The following KDM4C variants were observed in gnomAD, a reference collection of about 807,000 sequenced individuals.
The protein encoded by KDM4C is lysine demethylase 4C, also known as lysine-specific demethylase 4C.
In KDM4C, 81 loss-of-function variants were observed where a neutral mutation model predicts 129.3. The ratio of observed to expected loss-of-function variants is 0.63; its 90% CI spans 0.52 to 0.75. KDM4C has a LOEUF of 0.75. Among genes scored for constraint, KDM4C ranks in the 30% least tolerant of loss-of-function variants. The probability of loss-of-function intolerance (pLI) is 0.00; values close to 1 mark genes in which losing one functional copy is unlikely to be tolerated. For synonymous variants in KDM4C, 573 were observed against 456.1 expected, an observed-to-expected ratio of 1.26 and a Z score of -3.26; for missense variants, 1,457 against 1,304.0, an observed-to-expected ratio of 1.12 and a Z score of -1.81.
At chr9:6,979,125 A>G (rs1563923069) in intron 8 of KDM4C, among the ~76,000 whole-genome samples, 1 of 152,196 alleles carries the variant, frequency 6.6e-6, no homozygotes, top group Non-Finnish European at 1.5e-5. Flanking sequence ...ACACTTTAAG[A>G]AAGTTTCTGG....
intron 20 of KDM4C, among the ~76,000 whole-genome samples, chr9:7,168,426 G>T (rs1406906096): frequency 1.3e-5 from 2 of 152,110 alleles, no homozygotes; most frequent in African/African-American, 4.8e-5. Context: ...TTTCCTGCTA[G>T]ATTAGTTCAT....
chr9:6,819,938 T>C (rs1319116848), intron 4 of KDM4C, among the ~76,000 whole-genome samples: 2 of 152,194 alleles, frequency 1.3e-5, no homozygotes, highest in African/African-American at 4.8e-5. Flanking sequence ...GTCATCAAAT[T>C]GCAGTTTCCT....
At chr9:7,096,738 C>A (rs990801930) in intron 17 of KDM4C, among the ~76,000 whole-genome samples, 1 of 150,646 alleles carries the variant, frequency 6.6e-6, no homozygotes, top group East Asian at 1.9e-4. Context: ...ATGTGCCTGA[C>A]CAACAGGCAT....
chr9:6,787,723 C>A (rs1364463887), intron 1 of KDM4C, among the ~76,000 whole-genome samples: 1 of 152,236 alleles, frequency 6.6e-6, no homozygotes, highest in Non-Finnish European at 1.5e-5. Flanking sequence ...CTCCCTGCTT[C>A]CAGCCTTGTC....
chr9:6,807,461 A>C lies in KDM4C; in HGVS notation c.320+1687A>C, dbSNP rs377279735. 2.6e-3 allele frequency among the ~76,000 whole-genome samples: 307 copies of C among 119,690 alleles called. 1 individual carries two copies. The East Asian group carries it at 0.033, about 13-fold the overall frequency. 78.5% of individuals were successfully genotyped at this position (119,690 alleles called of 152,430 possible). ...GGAGCGCCTCTTCCCAGCCGCCATC[A>C]CATCTAGGAAGTGAGGAGCGTCTCT... On this transcript the variant is annotated intron_variant, in intron 3 of 21. Coordinates refer to ENST00000381309, the MANE Select transcript of KDM4C (RefSeq NM_015061.6).
intron 12 of KDM4C, among the ~76,000 whole-genome samples, chr9:6,991,408 A>G (rs1445436551): frequency 2.6e-5 from 4 of 151,978 alleles, no homozygotes; most frequent in African/African-American, 9.7e-5. Flanking sequence ...TTTCTTTTAT[A>G]AAAAAGAAAT....
At chr9:7,152,027 A>G (rs188922822) in intron 19 of KDM4C, among the ~76,000 whole-genome samples, 3 of 152,368 alleles carry the variant, frequency 2.0e-5, no homozygotes, top group African/African-American at 7.2e-5. Context: ...ATTGCCTGGA[A>G]AGGCATTTGG....
chr9:7,098,875 A>G (rs1836757765), intron 17 of KDM4C, among the ~76,000 whole-genome samples: 1 of 151,612 alleles, frequency 6.6e-6, no homozygotes, highest in Non-Finnish European at 1.5e-5. Flanking sequence ...AATAATGAGC[A>G]GAACATAAAT....
At chr9:7,154,717 A>C (rs1842997830) in intron 19 of KDM4C, among the ~76,000 whole-genome samples, 1 of 152,222 alleles carries the variant, frequency 6.6e-6, no homozygotes, top group African/African-American at 2.4e-5. Context: ...GATCACAGCC[A>C]AAAGGCCACT....
intron 2 of KDM4C, among the ~76,000 whole-genome samples, chr9:6,798,721 T>C (rs990585806): frequency 6.6e-6 from 1 of 152,208 alleles, no homozygotes; most frequent in Non-Finnish European, 1.5e-5. Flanking sequence ...AAACCGCCAT[T>C]GTCATCATGG....
intron 8 of KDM4C, among the ~76,000 whole-genome samples, chr9:6,896,833 G>T (rs1304990184): frequency 1.3e-5 from 2 of 152,210 alleles, no homozygotes; most frequent in Non-Finnish European, 2.9e-5. Context: ...ACTGGGAGGG[G>T]TTCAAGGTCT....
chr9:7,006,101 C>T (rs1240238411), intron 12 of KDM4C, among the ~76,000 whole-genome samples: 2 of 152,132 alleles, frequency 1.3e-5, no homozygotes, highest in African/African-American at 2.4e-5. Context: ...ATGTTTACAC[C>T]GTTGCTAACA....
At position 7,004,728 on chromosome 9, in the gene KDM4C, C is replaced by T. The variant is rs1032505832; in HGVS notation, c.1787-6970C>T. ...CTTTTATTTTCCCTACAAGGCTAAA[C>T]CTTTTGATGGAAATACTTATATATA... On this transcript the variant is annotated intron_variant, in intron 12 of 21. Transcript: ENST00000381309. 3.3e-5 allele frequency among the ~76,000 whole-genome samples: 5 copies of T among 152,152 alleles called. No individual in the cohort carries two copies. In the East Asian group the frequency reaches 9.6e-4, roughly 29 times the overall value.
At chr9:7,064,668 T>C (rs1832168487) in intron 17 of KDM4C, among the ~76,000 whole-genome samples, 1 of 152,156 alleles carries the variant, frequency 6.6e-6, no homozygotes, top group Non-Finnish European at 1.5e-5. Context: ...ATATTGGACT[T>C]TCTTAATTTG....
intron 8 of KDM4C, among the ~76,000 whole-genome samples, chr9:6,944,488 T>C (rs761656799): frequency 1.3e-5 from 2 of 152,160 alleles, no homozygotes; most frequent in Non-Finnish European, 2.9e-5. Context: ...ATCACCTAAA[T>C]TAGGGTATGA....
intron 1 of KDM4C, among the ~76,000 whole-genome samples, chr9:6,768,468 C>G (rs1426208855): frequency 6.6e-6 from 1 of 151,934 alleles, no homozygotes; most frequent in Non-Finnish European, 1.5e-5. Context: ...TCCTCAGTAA[C>G]TCAATGTGTA....
intron 4 of KDM4C, among the ~76,000 whole-genome samples, chr9:6,824,968 A>T (rs1416394170): frequency 1.3e-5 from 2 of 151,940 alleles, no homozygotes. Context: ...ACATGGTGAA[A>T]CCCCATCTCT....
chr9:6,770,148 T>C (rs981914904), intron 1 of KDM4C, among the ~76,000 whole-genome samples: 1 of 151,184 alleles, frequency 6.6e-6, no homozygotes, highest in Admixed American at 6.6e-5. Context: ...CATTGCACTC[T>C]AGCCTGGGCA....
intron 8 of KDM4C, among the ~76,000 whole-genome samples, chr9:6,896,278 A>G (rs767589498): frequency 2.6e-5 from 4 of 152,220 alleles, no homozygotes; most frequent in Non-Finnish European, 4.4e-5. Flanking sequence ...TATAATTACT[A>G]TGAAAATATG....
Sources: gnomAD v4.1 joint callset for allele counts (sites outside exome capture counted in the v4.1 genomes callset) on GRCh38, gnomAD v4.1.1 for gene constraint, MANE v1.5 for transcripts, NCBI Gene and HGNC (gene_info 2026-07-23, HGNC 2026-07-21) for gene names.